PDE6A: variants seen among roughly 807,000 people sequenced by gnomAD.
PDE6A encodes the protein rod cGMP-specific 3',5'-cyclic phosphodiesterase subunit alpha.
A neutral mutation model predicts 106.3 loss-of-function variants in PDE6A; 84 were observed. The observed-to-expected ratio is 0.79, with a 90% CI of 0.66 to 0.95. The LOEUF (loss-of-function observed/expected upper bound fraction) is 0.95. PDE6A is among the 40% of genes least tolerant of loss of function. The pLI is 0.00. For synonymous variants in PDE6A, 394 were observed against 386.6 expected (o/e 1.02, Z -0.23); for missense variants, 1,052 against 1,084.9 (o/e 0.97, Z 0.43).
rs1295211394 is a variant in PDE6A, at chr5:149,884,248, G to GTA, written c.2027+229_2027+230dup. 1.7e-4 allele frequency among the ~76,000 whole-genome samples: 24 copies of GTA among 145,016 alleles called. No individual in the cohort carries two copies. The East Asian group carries it at 3.4e-3, about 20-fold the overall frequency. ...CACATATATATGTGTAGATATATGTGTATATATATGTGTATATATATGTAT... is the reference window on the plus strand; with the variant it reads ...CACATATATATGTGTAGATATATGTGTATATATATATGTGTATATATATGTAT... On this transcript the variant is annotated intron_variant, in intron 16 of 21. Coordinates refer to ENST00000255266, the MANE Select transcript of PDE6A (RefSeq NM_000440.3).
In PDE6A at chr5:149,867,210, C is replaced by T. The variant is rs111232263; in HGVS notation, c.2274+515G>A. On this transcript the variant is annotated intron_variant, in intron 19 of 21. Coordinates refer to ENST00000255266, the MANE Select transcript of PDE6A (RefSeq NM_000440.3). The stretch of plus-strand genomic sequence containing the variant: ...GCCTTCAGGGACTTCAGGGAAACTT[C>T]GGGCTGCTCTTCCGATCTCCCCAAC... 303 of 190,980 alleles carry T rather than the reference C, an allele frequency of 1.6e-3. 4 individuals are homozygous for T. The highest frequency in any genetic ancestry group is 6.6e-3 in the African/African-American group (284 of 42,902). The allele number at this position is 190,980 out of a possible 1,614,324, so 11.8% of individuals were successfully genotyped here. A position where few individuals can be genotyped will look rare whatever the true frequency, so the allele number is the denominator to read the frequency against.
Position 149,886,347 on chromosome 5 carries a change from C to T in PDE6A, c.1756G>A (p.Asp586Asn), listed in dbSNP as rs191628052. The stretch of plus-strand genomic sequence containing the variant: ...GTGACCATGGCCAAGGCCTCTAGGT[C>T]CGTGAAGTAGCGCTTCAGCTTTCCC... ...VTGKLKRYFT[D>N]LEALAMVTAA... The change falls in exon 14 of 22, where the codon GAC (aspartate) becomes AAC (asparagine). Residue 586 changes from aspartate to asparagine, a missense_variant. By Grantham distance (23) the Asp-to-Asn change is conservative. Coordinates refer to ENST00000255266, the MANE Select transcript of PDE6A (RefSeq NM_000440.3). The T allele has an allele frequency of 1.9e-6, 3 of 1,614,118 alleles. No homozygotes were observed. In the African/African-American group the frequency reaches 4.0e-5, roughly 22 times the overall value.
chr5:149,886,587 G>A (rs1332058479), intron 13 of PDE6A, among the ~76,000 whole-genome samples: 2 of 152,150 alleles, frequency 1.3e-5, no homozygotes, highest in Non-Finnish European at 2.9e-5. Flanking sequence ...GAAAGTCCCA[G>A]GTAAATGGGA....
At position 149,944,456 on chromosome 5, in the gene PDE6A, T is replaced by C. The variant is rs751873977; in HGVS notation, c.218A>G (p.Gln73Arg). The C allele has an allele frequency of 5.6e-6, 9 of 1,614,170 alleles. No homozygotes were observed. Among genetic ancestry groups the C allele is most frequent in the Non-Finnish European group, 6.8e-6 (8 of 1,180,024 alleles). Residue 73 changes from glutamine (Q) to arginine (R), a missense_variant, in exon 1 of 22, where the codon CAG (glutamine) becomes CGG (arginine). Physicochemically the swap from Gln to Arg is conservative, Grantham distance 43 (BLOSUM62 1). This residue lies in a region of PDE6A where 913 missense variants were observed against 915.2 expected (regional missense o/e 1.00). Coordinates refer to ENST00000255266, the MANE Select transcript of PDE6A (RefSeq NM_000440.3). ...DLLRDFQENL[Q>R]TEKCIFNVMK... is the part of the protein sequence containing the mutation. ...GACATTGAAGATGCATTTCTCTGTC[T>C]GTAAATTCTCCTGAAAGTCCCGCAG...
Position 149,902,809 on chromosome 5 carries a change from G to A in PDE6A, c.1113+839C>T, listed in dbSNP as rs190072457. Among the ~76,000 whole-genome samples, 985 of 149,914 alleles carry A rather than the reference G, an allele frequency of 6.6e-3. 34 individuals are homozygous for A. Among genetic ancestry groups the A allele is most frequent in the Admixed American group, 0.044 (659 of 15,104 alleles). The stretch of plus-strand genomic sequence containing the variant: ...TGCACTCCAGCCTGGGCGACAGAGC[G>A]AGACTCCGTCTCAAAAAAAAAAAAA... On this transcript the variant is annotated intron_variant, in intron 8 of 21. Transcript: ENST00000255266.
At chr5:149,894,079 G>T (rs1581175292) in intron 13 of PDE6A, among the ~76,000 whole-genome samples, 3 of 152,108 alleles carry the variant, frequency 2.0e-5, no homozygotes, top group Non-Finnish European at 4.4e-5. Context: ...GGAAATCTTG[G>T]ATTTTATAGT....
chr5:149,919,041 C>A (rs928096405), intron 5 of PDE6A, among the ~76,000 whole-genome samples: 1 of 152,074 alleles, frequency 6.6e-6, no homozygotes, highest in African/African-American at 2.4e-5. Context: ...TTTCTGCCTG[C>A]GAGGGGGAGG....
chr5:149,876,804 T>C (rs1003892604), intron 17 of PDE6A, among the ~76,000 whole-genome samples: 3 of 152,104 alleles, frequency 2.0e-5, no homozygotes, highest in Admixed American at 1.3e-4. Flanking sequence ...TAAATAAGCA[T>C]GTTACAATAC....
chr5:149,907,564 G>C (rs1753238924), intron 6 of PDE6A, among the ~76,000 whole-genome samples, 186 bp from the exon 7 acceptor site: 1 of 152,198 alleles, frequency 6.6e-6, no homozygotes, highest in African/African-American at 2.4e-5. Context: ...CATGGAGAAA[G>C]GGTGGCAAAT....
intron 4 of PDE6A, among the ~76,000 whole-genome samples, chr5:149,928,739 G>A (rs1753943508): frequency 6.6e-6 from 1 of 152,160 alleles, no homozygotes; most frequent in Non-Finnish European, 1.5e-5. Flanking sequence ...TATTTGCAAT[G>A]CATGTATTTG....
intron 6 of PDE6A, 57 bp downstream of exon 6, chr5:149,914,886 A>T: frequency 8.8e-7 from 1 of 1,135,306 alleles, no homozygotes; most frequent in Non-Finnish European, 1.3e-6. Context: ...CGATAAAGCC[A>T]ATTGAGATCT....
chr5:149,867,600 C>G, intron 19 of PDE6A, 125 bp downstream of exon 19: 1 of 847,472 alleles, frequency 1.2e-6, no homozygotes, highest in Non-Finnish European at 2.0e-6. Flanking sequence ...TTTTTAGAAC[C>G]ACTGCATTAG....
chr5:149,894,776 G>A (rs1752672890), intron 13 of PDE6A, among the ~76,000 whole-genome samples: 2 of 151,776 alleles, frequency 1.3e-5, no homozygotes, highest in African/African-American at 4.8e-5. Context: ...GATTACAGGT[G>A]CCCGCCACCA....
At chr5:149,940,534 G>C (rs1037620585) in intron 1 of PDE6A, among the ~76,000 whole-genome samples, 1 of 131,000 alleles carries the variant, frequency 7.6e-6, no homozygotes, top group African/African-American at 3.1e-5. Context: ...TTTTGCTCTT[G>C]TTGCCCAGTC....
chr5:149,904,761 T>C (rs908660699), intron 7 of PDE6A, among the ~76,000 whole-genome samples: 1 of 152,080 alleles, frequency 6.6e-6, no homozygotes, highest in Non-Finnish European at 1.5e-5. Context: ...TGACCAACTC[T>C]ATCAGTTACT....
chr5:149,932,976 AG>A (rs1454154679), intron 3 of PDE6A, among the ~76,000 whole-genome samples: 1 of 152,150 alleles, frequency 6.6e-6, no homozygotes, highest in East Asian at 1.9e-4. Flanking sequence ...GAAGCGCAAA[AG>A]CTAAAGTGTT....
chr5:149,872,514 T>A (rs1293989062), intron 17 of PDE6A, among the ~76,000 whole-genome samples: 2 of 152,108 alleles, frequency 1.3e-5, no homozygotes, highest in African/African-American at 4.8e-5. Flanking sequence ...CCAAGGCAAA[T>A]GTTTCTTCCT....
chr5:149,894,121 A>G (rs1752644516), intron 13 of PDE6A, among the ~76,000 whole-genome samples: 1 of 152,168 alleles, frequency 6.6e-6, no homozygotes, highest in African/African-American at 2.4e-5. Context: ...AGACAGGTAG[A>G]AGCAACTCTC....
chr5:149,894,876 G>T (rs933137253), intron 13 of PDE6A, among the ~76,000 whole-genome samples: 21 of 151,910 alleles, frequency 1.4e-4, no homozygotes, highest in Non-Finnish European at 2.8e-4. Context: ...TGATCCACCC[G>T]CCTCGGCATC....
Sources: gnomAD v4.1 joint callset for allele counts (sites outside exome capture counted in the v4.1 genomes callset) on GRCh38, gnomAD v4.1.1 for gene constraint, gnomAD v4.1.1 regional missense constraint, MANE v1.5 for transcripts, NCBI Gene and HGNC (gene_info 2026-07-23, HGNC 2026-07-21) for gene names.